NKAIN3: variants seen among roughly 807,000 people sequenced by gnomAD.
NKAIN3 encodes the protein sodium/potassium-transporting ATPase subunit beta-1-interacting protein 3.
In NKAIN3, 25 loss-of-function variants were observed where a neutral mutation model predicts 30.2. That is an observed-to-expected ratio of 0.83 (90% CI 0.60 to 1.16). The LOEUF (loss-of-function observed/expected upper bound fraction) is 1.16, where lower values mean the gene tolerates loss of function less well. Ranked by LOEUF, NKAIN3 falls within the 50% of genes most tolerant of loss-of-function variation. The probability of loss-of-function intolerance (pLI) is 0.00; values close to 1 mark genes in which losing one functional copy is unlikely to be tolerated. For missense variants in NKAIN3, 225 were observed against 254.1 expected, an observed-to-expected ratio of 0.89 and a Z score of 0.78; for synonymous variants, 91 against 89.6, an observed-to-expected ratio of 1.02 and a Z score of -0.09.
At chr8:62,881,180 C>T (rs4739016) in intron 4 of NKAIN3, among the ~76,000 whole-genome samples, 46,239 of 152,014 alleles carry the variant, frequency 0.3, 7,748 homozygotes, top group East Asian at 0.64. Context: ...ACTCTTGACA[C>T]TGTACATTCT....
intron 1 of NKAIN3, among the ~76,000 whole-genome samples, chr8:62,357,578 A>T (rs543765908): frequency 2.0e-5 from 3 of 152,164 alleles, no homozygotes; most frequent in East Asian, 1.9e-4. Flanking sequence ...CCTAAATGAA[A>T]TTTTTTTTGT....
intron 1 of NKAIN3, among the ~76,000 whole-genome samples, chr8:62,252,685 T>TTTA (rs1215261347): frequency 7.2e-5 from 11 of 152,212 alleles, no homozygotes; most frequent in Admixed American, 7.2e-4. Flanking sequence ...AATAATTTTT[T>TTTA]TTAAAGAAGT....
chr8:62,412,750 A>G (rs1293595008), intron 1 of NKAIN3, among the ~76,000 whole-genome samples: 5 of 151,620 alleles, frequency 3.3e-5, no homozygotes, highest in Non-Finnish European at 7.4e-5. Context: ...TGTCTCTACT[A>G]AAAATACAAA....
At chr8:62,511,977 C>A (rs557132280) in intron 1 of NKAIN3, among the ~76,000 whole-genome samples, 19 of 152,234 alleles carry the variant, frequency 1.2e-4, no homozygotes, top group Admixed American at 1.2e-3. Flanking sequence ...AAATAGTCAT[C>A]TCTGTAAGAG....
At chr8:62,557,992 T>C (rs1809460310) in intron 1 of NKAIN3, among the ~76,000 whole-genome samples, 1 of 152,126 alleles carries the variant, frequency 6.6e-6, no homozygotes, top group African/African-American at 2.4e-5. Flanking sequence ...TAAGTCAATG[T>C]CTAGAAGTGT....
At chr8:62,459,431 A>G (rs1338691045) in intron 1 of NKAIN3, among the ~76,000 whole-genome samples, 2 of 152,204 alleles carry the variant, frequency 1.3e-5, no homozygotes, top group African/African-American at 4.8e-5. Context: ...CATTTATCAC[A>G]TACTCAGTAC....
intron 1 of NKAIN3, among the ~76,000 whole-genome samples, chr8:62,506,477 T>TTTCTTTCTTTC (rs796854999): frequency 5.0e-3 from 33 of 6,666 alleles, no homozygotes; most frequent in Non-Finnish European, 7.4e-3. Flanking sequence ...TCTTTCTTTC[T>TTTCTTTCTTTC]TTTTTTTTTT....
chr8:62,376,754 C>G (rs1817096500), intron 1 of NKAIN3, among the ~76,000 whole-genome samples: 1 of 152,090 alleles, frequency 6.6e-6, no homozygotes, highest in Non-Finnish European at 1.5e-5. Context: ...TATTTACACT[C>G]TATTATTTAG....
intron 5 of NKAIN3, among the ~76,000 whole-genome samples, chr8:62,937,530 G>A (rs776951961): frequency 8.5e-5 from 13 of 152,050 alleles, no homozygotes; most frequent in Non-Finnish European, 1.6e-4. Flanking sequence ...AGGACTCCTC[G>A]CCCCCAAGGA....
intron 4 of NKAIN3, chr8:62,856,427 T>C: frequency 1.3e-6 from 1 of 791,994 alleles, no homozygotes. Flanking sequence ...TCCTCTGCTA[T>C]GCTGGTGATA....
intron 4 of NKAIN3, among the ~76,000 whole-genome samples, chr8:62,837,822 A>G (rs1819413670): frequency 6.6e-6 from 1 of 152,086 alleles, no homozygotes; most frequent in Non-Finnish European, 1.5e-5. Context: ...ATTTATCTTA[A>G]TTAAACATGA....
intron 1 of NKAIN3, among the ~76,000 whole-genome samples, chr8:62,337,331 C>T (rs1815589835): frequency 1.3e-5 from 2 of 152,116 alleles, no homozygotes; most frequent in Non-Finnish European, 1.5e-5. Context: ...CCATTCAACA[C>T]AATGATCACC....
intron 1 of NKAIN3, among the ~76,000 whole-genome samples, chr8:62,568,217 G>A (rs1422417818): frequency 6.6e-6 from 1 of 152,112 alleles, no homozygotes; most frequent in Non-Finnish European, 1.5e-5. Flanking sequence ...TAAACAGTAT[G>A]CATTTTGACT....
chr8:62,944,687 G>A (rs1223943151), intron 5 of NKAIN3, among the ~76,000 whole-genome samples: 1 of 152,016 alleles, frequency 6.6e-6, no homozygotes, highest in Non-Finnish European at 1.5e-5. Context: ...TTTCTGCTTT[G>A]GATGGGAATA....
At chr8:62,402,582 G>C (rs776172230) in intron 1 of NKAIN3, among the ~76,000 whole-genome samples, 1 of 152,122 alleles carries the variant, frequency 6.6e-6, no homozygotes, top group African/African-American at 2.4e-5. Flanking sequence ...TTTATAAGAG[G>C]CTTTTCCCTT....
chr8:62,984,418 A>G lies in NKAIN3; in HGVS notation c.*19011A>G, dbSNP rs1824156992. ...TTTTTTTAAATCTCTCAATCTTCAA[A>G]TAATTCTTAGATTGCTTGCCAGCAA... On this transcript the variant is annotated 3_prime_UTR_variant, in exon 7 of 7. Coordinates refer to ENST00000623646, the MANE Select transcript of NKAIN3 (RefSeq NM_001304533.3). 4 of 152,194 alleles carry G rather than the reference A, an allele frequency of 2.6e-5. No individual in the cohort carries two copies. Among genetic ancestry groups the G allele is most frequent in the Admixed American group, 2.0e-4 (3 of 15,272 alleles). 9.4% of individuals were successfully genotyped at this position (152,194 alleles called of 1,614,324 possible). A position where few individuals can be genotyped will look rare whatever the true frequency, so the allele number is the denominator to read the frequency against.
At chr8:62,883,706 T>C (rs898135634) in intron 4 of NKAIN3, among the ~76,000 whole-genome samples, 1 of 151,974 alleles carries the variant, frequency 6.6e-6, no homozygotes, top group Non-Finnish European at 1.5e-5. Flanking sequence ...TAGATGTTTT[T>C]TGCCAAGTTG....
chr8:62,604,038 G>T (rs1172622335), intron 3 of NKAIN3, among the ~76,000 whole-genome samples: 1 of 152,062 alleles, frequency 6.6e-6, no homozygotes, highest in Admixed American at 6.6e-5. Flanking sequence ...GCACAGCAGG[G>T]CTGCCTGGAA....
At position 62,427,047 on chromosome 8, in the gene NKAIN3, G is replaced by C. The variant is rs532681482; in HGVS notation, c.55-152492G>C. Among the ~76,000 whole-genome samples, 90 of 152,166 alleles carry C rather than the reference G, an allele frequency of 5.9e-4. No homozygotes were observed. In the South Asian group the frequency reaches 0.018, roughly 31 times the overall value. On this transcript the variant is annotated intron_variant, in intron 1 of 6. Transcript: ENST00000623646. ...CACCTTCATGTTTGAGCTAGTGGCA[G>C]TGTTACTGTCAATCAAAGCCTGTCA... is the stretch of plus-strand genomic sequence containing the variant.
Sources: allele counts gnomAD v4.1 joint callset (sites outside exome capture counted in the v4.1 genomes callset), GRCh38; gene constraint gnomAD v4.1.1; transcripts MANE v1.5; gene names NCBI Gene and HGNC (gene_info 2026-07-23, HGNC 2026-07-21).